Variants in ABCG2 observed in about 807,000 individuals in gnomAD.
ABCG2 encodes the protein ATP binding cassette subfamily G member 2 (JR blood group).
A neutral mutation model predicts 73.5 loss-of-function variants in ABCG2; 80 were observed. That is an observed-to-expected ratio of 1.09 (90% confidence interval 0.91 to 1.31). ABCG2 has a LOEUF of 1.31. Among genes scored for constraint, ABCG2 ranks in the 50% most tolerant of loss-of-function variants. The probability of loss-of-function intolerance (pLI) is 0.00; values close to 1 mark genes in which losing one functional copy is unlikely to be tolerated. For missense variants in ABCG2, 796 were observed against 786.2 expected (o/e 1.01, Z -0.15); for synonymous variants, 269 against 282.4 (o/e 0.95, Z 0.48).
chr4:88,131,241 C>T, intron 4 of ABCG2, 28 bp from the exon 5 acceptor site: 1 of 1,609,446 alleles, frequency 6.2e-7, no homozygotes, highest in Admixed American at 1.7e-5. Context: ...TTTAATGAGA[C>T]ATAATGATAA....
At chr4:88,112,419 CCTT>C (rs1723199851) in intron 9 of ABCG2, among the ~76,000 whole-genome samples, 3 of 151,764 alleles carry the variant, frequency 2.0e-5, no homozygotes, top group African/African-American at 7.2e-5. Flanking sequence ...TGCAAATCAA[CCTT>C]CTTCTCCCTA....
intron 6 of ABCG2, among the ~76,000 whole-genome samples, chr4:88,121,303 T>C (rs1723951490): frequency 6.6e-6 from 1 of 152,000 alleles, no homozygotes; most frequent in African/African-American, 2.4e-5. Context: ...AATAAAAAGG[T>C]CTACTCAGAA....
chr4:88,114,181 AAAAGAG>A (rs1281858375), intron 8 of ABCG2, among the ~76,000 whole-genome samples: 1 of 152,102 alleles, frequency 6.6e-6, no homozygotes. Context: ...TGTATATTTA[AAAAGAG>A]AAAAAGAAAG....
Position 88,175,057 on chromosome 4 carries a change from G to A in ABCG2, c.-19-35043C>T, listed in dbSNP as rs112057137. 4.4e-3 allele frequency among the ~76,000 whole-genome samples: 668 copies of A among 152,256 alleles called. 7 individuals are homozygous for A. The highest frequency in any genetic ancestry group is 0.015 in the African/African-American group (638 of 41,558). On this transcript the variant is annotated intron_variant, in intron 1 of 15. Transcript: ENST00000515655. ...TGAAGAGGAAATTCGGAAACACAAAGAGACACAGTGAGAAAATAAATTTCT... is the reference window on the plus strand; with the variant it reads ...TGAAGAGGAAATTCGGAAACACAAAAAGACACAGTGAGAAAATAAATTTCT...
intron 1 of ABCG2, among the ~76,000 whole-genome samples, chr4:88,151,859 G>T (rs1466659603): frequency 1.3e-5 from 2 of 151,996 alleles, no homozygotes; most frequent in African/African-American, 4.8e-5. Flanking sequence ...ATAAAAGAAG[G>T]AGCATGTAAT....
chr4:88,122,876 C>G (rs1724107352), intron 5 of ABCG2, among the ~76,000 whole-genome samples: 1 of 152,226 alleles, frequency 6.6e-6, no homozygotes, highest in Non-Finnish European at 1.5e-5. Flanking sequence ...TGGGAGACAC[C>G]TCCCAGCAGG....
chr4:88,121,878 G>C, intron 5 of ABCG2, 86 bp from the exon 6 acceptor site: 1 of 1,315,856 alleles, frequency 7.6e-7, no homozygotes, highest in South Asian at 1.4e-5. Context: ...TCCTGTAAGA[G>C]ACACTTTATC....
At chr4:88,214,663 C>A (rs1335095598) in intron 1 of ABCG2, among the ~76,000 whole-genome samples, 1 of 147,286 alleles carries the variant, frequency 6.8e-6, no homozygotes, top group Non-Finnish European at 1.5e-5. Context: ...AGTTCAAGAC[C>A]AGCTTGGGCA....
intron 1 of ABCG2, among the ~76,000 whole-genome samples, chr4:88,224,117 T>C (rs1338160528): frequency 1.3e-5 from 2 of 152,208 alleles, no homozygotes; most frequent in Non-Finnish European, 2.9e-5. Flanking sequence ...ATCAAATATG[T>C]AATTTTCTCC....
chr4:88,142,334 A>G (rs780406054), intron 1 of ABCG2, among the ~76,000 whole-genome samples: 15 of 152,172 alleles, frequency 9.9e-5, no homozygotes, highest in African/African-American at 2.4e-4. Flanking sequence ...GATGAATACA[A>G]AAAAAGACAA....
chr4:88,153,370 T>A (rs1171153313), intron 1 of ABCG2, among the ~76,000 whole-genome samples: 1 of 152,116 alleles, frequency 6.6e-6, no homozygotes, highest in Non-Finnish European at 1.5e-5. Context: ...GGAGCATCTA[T>A]ACAGGAGCTC....
chr4:88,158,344 A>G lies in ABCG2; in HGVS notation c.-20+42T>C, dbSNP rs375676278. 3.0e-4 allele frequency: 107 copies of G among 353,440 alleles called. 1 individual carries two copies. The highest frequency in any genetic ancestry group is 2.1e-3 in the African/African-American group (99 of 46,256). The allele number at this position is 353,440 out of a possible 1,614,324, so 21.9% of individuals were successfully genotyped here. ...ATACACAACGCCCACCAACCTTTCC[A>G]GACACACACTCTCAGCGAAACTGGT... On this transcript the variant is annotated intron_variant, in intron 1 of 15. Coordinates refer to ENST00000237612, the MANE Select transcript of ABCG2 (RefSeq NM_004827.3).
chr4:88,216,666 T>TG (rs1729824819), intron 1 of ABCG2, among the ~76,000 whole-genome samples: 1 of 152,198 alleles, frequency 6.6e-6, no homozygotes, highest in Non-Finnish European at 1.5e-5. Flanking sequence ...TAGCTGATTG[T>TG]GTGAACTTTT....
chr4:88,167,234 T>C (rs1727560256), intron 1 of ABCG2, among the ~76,000 whole-genome samples: 1 of 152,036 alleles, frequency 6.6e-6, no homozygotes, highest in South Asian at 2.1e-4. Flanking sequence ...AGACTGAGTT[T>C]CCTGTGTCCT....
At position 88,158,601 on chromosome 4, in the gene ABCG2, T is replaced by C. The variant is rs1317686957; in HGVS notation, c.-235A>G. Reference sequence around the variant, plus strand: ...CCCAGTTCCTCCACAGGCTGCCTCCTTGCCGCGTCTCTCAATCTCAGTGGG... The same window carrying C: ...CCCAGTTCCTCCACAGGCTGCCTCCCTGCCGCGTCTCTCAATCTCAGTGGG... On this transcript the variant is annotated 5_prime_UTR_variant, in exon 1 of 16. Coordinates refer to ENST00000237612, the MANE Select transcript of ABCG2 (RefSeq NM_004827.3). 6 of 456,272 alleles carry C rather than the reference T, an allele frequency of 1.3e-5. No homozygotes were observed. Among genetic ancestry groups the C allele is most frequent in the Non-Finnish European group, 2.6e-5 (6 of 226,966 alleles). The allele number at this position is 456,272 out of a possible 1,614,324, so 28.3% of individuals were successfully genotyped here.
intron 5 of ABCG2, among the ~76,000 whole-genome samples, chr4:88,130,430 A>G (rs1279780903): frequency 6.6e-6 from 1 of 151,924 alleles, no homozygotes; most frequent in Non-Finnish European, 1.5e-5. Context: ...GCTCCCACTG[A>G]TTCTATATTA....
chr4:88,173,046 A>ATT (rs1490890717), intron 1 of ABCG2, among the ~76,000 whole-genome samples: 2 of 152,222 alleles, frequency 1.3e-5, no homozygotes, highest in Non-Finnish European at 2.9e-5. Context: ...TTTTTAACAC[A>ATT]TTAAGTATTT....
In ABCG2 at chr4:88,200,633, C is replaced by T. The variant is rs545389520; in HGVS notation, c.-20+30361G>A. Among the ~76,000 whole-genome samples the T allele has an allele frequency of 1.4e-4, 22 of 152,258 alleles. 1 individual carries two copies. The East Asian group carries it at 4.3e-3, about 29-fold the overall frequency. On this transcript the variant is annotated intron_variant, in intron 1 of 15. Coordinates refer to the ABCG2 transcript ENST00000515655. ...GTTCATGCCATTCCTATGCCTCAGCCTCCAAAGTAGCTTGGACTACAGGTG... is the reference window on the plus strand; with the variant it reads ...GTTCATGCCATTCCTATGCCTCAGCTTCCAAAGTAGCTTGGACTACAGGTG...
chr4:88,218,123 A>G (rs4693935), intron 1 of ABCG2, among the ~76,000 whole-genome samples: 109,221 of 151,826 alleles, frequency 0.72, 39,398 homozygotes, highest in South Asian at 0.83. Context: ...CTCCCAGATG[A>G]TATCTTCATT....
Sources: gnomAD v4.1 joint callset for allele counts (sites outside exome capture counted in the v4.1 genomes callset) on GRCh38, gnomAD v4.1.1 for gene constraint, MANE v1.5 for transcripts, NCBI Gene and HGNC (gene_info 2026-07-23, HGNC 2026-07-21) for gene names.